The following TMLHE variants were observed in gnomAD, a reference collection of about 807,000 sequenced individuals.
The protein encoded by TMLHE is trimethyllysine dioxygenase, mitochondrial.
A neutral mutation model predicts 25.7 loss-of-function variants in TMLHE; 18 were observed. That is an observed-to-expected ratio of 0.70 (90% confidence interval 0.48 to 1.04). The LOEUF is 1.04. Ranked by LOEUF, TMLHE falls within the 50% of genes least tolerant of loss-of-function variation. The pLI is 0.00. For synonymous variants in TMLHE, 105 were observed against 97.0 expected, an observed-to-expected ratio of 1.08 and a Z score of -0.49; for missense variants, 236 against 259.0, an observed-to-expected ratio of 0.91 and a Z score of 0.61.
At chrX:155,545,778 A>T (rs2067340902) in intron 1 of TMLHE, among the ~76,000 whole-genome samples, 1 of 111,209 alleles carries the variant, frequency 9.0e-6, no homozygotes, top group South Asian at 3.8e-4. Context: ...GTCACATGCT[A>T]TACAGGTTTG....
Position 155,545,423 on chromosome X carries a change from G to T in TMLHE, c.-1-146C>A. The T allele has an allele frequency of 1.3e-5, 6 of 460,359 alleles. No individual in the cohort carries two copies. In the South Asian group the frequency reaches 5.0e-4, roughly 38 times the overall value. The allele number at this position is 460,359 out of a possible 1,213,427, so 37.9% of individuals were successfully genotyped here. ...TTAAACAAAGGAGAAATTGTGAAAAGTTAAGCATAAGTGATCTATAACCAT... is the reference window on the plus strand; with the variant it reads ...TTAAACAAAGGAGAAATTGTGAAAATTTAAGCATAAGTGATCTATAACCAT... On this transcript the variant is annotated intron_variant, in intron 1 of 7. Coordinates refer to ENST00000334398, the MANE Select transcript of TMLHE (RefSeq NM_018196.4).
chrX:155,587,809 T>A (rs782263751), intron 1 of TMLHE, among the ~76,000 whole-genome samples: 6 of 111,616 alleles, frequency 5.4e-5, no homozygotes, highest in African/African-American at 1.6e-4. Flanking sequence ...GTGAAAAATC[T>A]TTACAGAAAA....
chrX:155,548,637 A>C (rs1257599013), intron 1 of TMLHE, among the ~76,000 whole-genome samples: 1 of 108,683 alleles, frequency 9.2e-6, no homozygotes, highest in Non-Finnish European at 1.9e-5. Context: ...CAGGAGGCTG[A>C]GGCAGGAGAA....
chrX:155,556,929 T>C (rs1557340979), intron 1 of TMLHE, among the ~76,000 whole-genome samples: 2 of 112,271 alleles, frequency 1.8e-5, no homozygotes, highest in Non-Finnish European at 3.8e-5. Context: ...AATTCAGCGA[T>C]ATTTCTCCCA....
intron 4 of TMLHE, among the ~76,000 whole-genome samples, chrX:155,512,267 C>T (rs371476947): frequency 0.013 from 1,406 of 106,400 alleles, 36 homozygotes; most frequent in African/African-American, 0.042. Flanking sequence ...GCTGCACCCA[C>T]TAACTCATCA....
intron 2 of TMLHE, among the ~76,000 whole-genome samples, chrX:155,535,926 A>T (rs1281425992): frequency 1.8e-5 from 2 of 111,950 alleles, no homozygotes; most frequent in Non-Finnish European, 3.8e-5. Flanking sequence ...TTGATGTAGC[A>T]GTCCATATAG....
intron 2 of TMLHE, among the ~76,000 whole-genome samples, chrX:155,543,423 C>CTA (rs2067324798): frequency 9.0e-6 from 1 of 111,510 alleles, no homozygotes; most frequent in Non-Finnish European, 1.9e-5. Flanking sequence ...GAAAACAATG[C>CTA]TATTTGTAAT....
At chrX:155,579,243 G>GA (rs2067610201) in intron 1 of TMLHE, among the ~76,000 whole-genome samples, 2 of 111,364 alleles carry the variant, frequency 1.8e-5, no homozygotes, top group Non-Finnish European at 3.8e-5. Context: ...CACAGAATTA[G>GA]AAAAAAATTA....
chrX:155,580,389 G>C (rs782490826), intron 1 of TMLHE, among the ~76,000 whole-genome samples: 15 of 111,534 alleles, frequency 1.3e-4, no homozygotes, highest in Middle Eastern at 4.7e-3. Context: ...CTGTTGATGG[G>C]AATGTAAATT....
chrX:155,526,079 C>T (rs1211915087), intron 2 of TMLHE, among the ~76,000 whole-genome samples: 2 of 112,441 alleles, frequency 1.8e-5, no homozygotes, highest in African/African-American at 6.4e-5. Context: ...CAAAGAGAAG[C>T]CAAATGTTAA....
chrX:155,540,692 A>G (rs1233785155), intron 2 of TMLHE, among the ~76,000 whole-genome samples: 1 of 111,888 alleles, frequency 8.9e-6, no homozygotes, highest in Non-Finnish European at 1.9e-5. Context: ...CAAAAGTAAC[A>G]AATAATTATA....
intron 1 of TMLHE, among the ~76,000 whole-genome samples, chrX:155,581,668 A>C (rs1328600741): frequency 8.9e-6 from 1 of 112,004 alleles, no homozygotes; most frequent in African/African-American, 3.2e-5. Flanking sequence ...TCAATAAAAT[A>C]AAAGAGGACA....
At chrX:155,530,637 T>C (rs1033363804) in intron 2 of TMLHE, among the ~76,000 whole-genome samples, 8 of 112,603 alleles carry the variant, frequency 7.1e-5, no homozygotes, top group Non-Finnish European at 1.1e-4. Flanking sequence ...ACCATTATAC[T>C]GTCTATATGT....
chrX:155,568,580 C>T (rs1195564175), intron 1 of TMLHE, among the ~76,000 whole-genome samples: 3 of 62,326 alleles, frequency 4.8e-5, no homozygotes, highest in African/African-American at 1.1e-4. Flanking sequence ...CTGGGAGGCA[C>T]CCCCCAGTAG....
intron 1 of TMLHE, among the ~76,000 whole-genome samples, chrX:155,605,358 T>C (rs1408088920): frequency 1.8e-5 from 2 of 111,370 alleles, no homozygotes; most frequent in African/African-American, 6.5e-5. Context: ...CCAAGACACA[T>C]AGTCATCAGA....
chrX:155,581,348 A>T (rs1337451215), intron 1 of TMLHE, among the ~76,000 whole-genome samples: 1 of 111,812 alleles, frequency 8.9e-6, no homozygotes, highest in Non-Finnish European at 1.9e-5. Flanking sequence ...AGAAAGAAAT[A>T]AAAGGTATTT....
intron 1 of TMLHE, among the ~76,000 whole-genome samples, chrX:155,578,302 A>G (rs1557344077): frequency 3.6e-5 from 4 of 111,287 alleles, no homozygotes; most frequent in Non-Finnish European, 1.9e-5. Context: ...TGCCTATCAC[A>G]GCTATAGCCT....
At chrX:155,580,807 T>C (rs2067622029) in intron 1 of TMLHE, among the ~76,000 whole-genome samples, 1 of 111,515 alleles carries the variant, frequency 9.0e-6, no homozygotes, top group Admixed American at 9.5e-5. Context: ...GAAGGAATCC[T>C]CCCTAACTCA....
In TMLHE at chrX:155,563,605, T is replaced by C. The variant is rs1400365279; in HGVS notation, c.-1-18328A>G. Among the ~76,000 whole-genome samples the C allele has an allele frequency of 3.2e-5, 2 of 62,065 alleles. 1 individual carries two copies. The highest frequency in any genetic ancestry group is 3.8e-4 in the Admixed American group (2 of 5,295). The allele number at this position is 62,065 out of a possible 115,157, so 53.9% of individuals were successfully genotyped here. Reference sequence around the variant, plus strand: ...GAAAAACAGATTAGAATTTTAGTTTTGGATCTGTTAAATTTGAGATGTCTA... The same window carrying C: ...GAAAAACAGATTAGAATTTTAGTTTCGGATCTGTTAAATTTGAGATGTCTA... On this transcript the variant is annotated intron_variant, in intron 1 of 7. Coordinates refer to ENST00000334398, the MANE Select transcript of TMLHE (RefSeq NM_018196.4).
Sources: gnomAD v4.1 joint callset for allele counts (sites outside exome capture counted in the v4.1 genomes callset) on GRCh38, gnomAD v4.1.1 for gene constraint, MANE v1.5 for transcripts, NCBI Gene and HGNC (gene_info 2026-07-23, HGNC 2026-07-21) for gene names.